CFAP69: variants seen among roughly 807,000 people sequenced by gnomAD.
The protein encoded by CFAP69 is cilia- and flagella-associated protein 69.
In CFAP69, 92 loss-of-function variants were observed where a neutral mutation model predicts 123.0. The ratio of observed to expected loss-of-function variants is 0.75; its 90% CI spans 0.63 to 0.89. CFAP69 has a LOEUF of 0.89. Among genes scored for constraint, CFAP69 ranks in the 40% least tolerant of loss-of-function variants. CFAP69 has a pLI of 0.00. For synonymous variants in CFAP69, 380 were observed against 364.3 expected, an observed-to-expected ratio of 1.04 and a Z score of -0.49; for missense variants, 1,067 against 1,096.9, an observed-to-expected ratio of 0.97 and a Z score of 0.39.
intron 15 of CFAP69, among the ~76,000 whole-genome samples, chr7:90,289,856 T>A (rs1790864645): frequency 6.6e-6 from 1 of 152,188 alleles, no homozygotes; most frequent in African/African-American, 2.4e-5. Flanking sequence ...TTCAATGCTG[T>A]TTTTGGATAA....
At chr7:90,270,016 A>T (rs1252537599) in intron 6 of CFAP69, 1 of 152,136 alleles carries the variant, frequency 6.6e-6, no homozygotes, top group Non-Finnish European at 1.5e-5. Context: ...GGACTTAAGA[A>T]AAAGGAGTAT....
At chr7:90,301,743 G>T (rs1169118372) in intron 17 of CFAP69, 6 of 152,178 alleles carry the variant, frequency 3.9e-5, no homozygotes, top group Admixed American at 2.6e-4. Context: ...GGGCATTTAG[G>T]TTGATTCCAT....
chr7:90,275,589 C>CTT (rs1562875616), intron 9 of CFAP69, among the ~76,000 whole-genome samples: 4 of 91,492 alleles, frequency 4.4e-5, no homozygotes, highest in South Asian at 3.7e-4. Context: ...AGGCCAAAAG[C>CTT]CTTTTTTTTT....
At chr7:90,256,763 C>A (rs994560335) in intron 2 of CFAP69, among the ~76,000 whole-genome samples, 2 of 152,096 alleles carry the variant, frequency 1.3e-5, no homozygotes, top group African/African-American at 4.8e-5. Context: ...CCTTAAAAAA[C>A]CACAACTGCA....
At chr7:90,250,187 G>GGAGAGCGAGAGAGAGAGA (rs1796801394) in intron 1 of CFAP69, among the ~76,000 whole-genome samples, 1 of 125,728 alleles carries the variant, frequency 8.0e-6, no homozygotes, top group Non-Finnish European at 1.7e-5. Flanking sequence ...TTTAAAGAGA[G>GGAGAGCGAGAGAGAGAGA]GAGAGAGAGA....
intron 19 of CFAP69, among the ~76,000 whole-genome samples, chr7:90,305,209 C>T (rs1045066500): frequency 6.0e-5 from 9 of 151,082 alleles, no homozygotes; most frequent in African/African-American, 1.5e-4. Flanking sequence ...GATGTGGTGG[C>T]GGGCGCCTAT....
downstream of CFAP69, among the ~76,000 whole-genome samples, chr7:90,315,108 A>G (rs1794671842): frequency 6.6e-6 from 1 of 152,018 alleles, no homozygotes; most frequent in Admixed American, 6.6e-5. Flanking sequence ...AAAACAACAG[A>G]TGCTGGCGAG....
At chr7:90,303,652 C>A (rs1042634460) in intron 17 of CFAP69, 2 of 983,514 alleles carry the variant, frequency 2.0e-6, no homozygotes, top group Non-Finnish European at 2.4e-6. Flanking sequence ...CACTGTTAAA[C>A]TGACATTACT....
At chr7:90,313,489 TC>T (rs368380898), downstream of CFAP69, among the ~76,000 whole-genome samples, 358 of 152,302 alleles carry the variant, frequency 2.4e-3, 2 homozygotes, top group African/African-American at 8.2e-3. Context: ...AACTTTGGTT[TC>T]CAGTATCATT....
intron 1 of CFAP69, among the ~76,000 whole-genome samples, chr7:90,247,119 T>C (rs1796427128): frequency 6.6e-6 from 1 of 152,166 alleles, no homozygotes; most frequent in Admixed American, 6.5e-5. Context: ...AATAGGAACT[T>C]TTTATAGCTG....
Position 90,245,177 on chromosome 7 carries a change from A to G in CFAP69, c.-248A>G. The G allele has an allele frequency of 2.6e-6, 1 of 387,370 alleles. No individual in the cohort carries two copies. Among genetic ancestry groups the G allele is most frequent in the Non-Finnish European group, 4.5e-6 (1 of 224,546 alleles). The allele number at this position is 387,370 out of a possible 1,614,324, so 24.0% of individuals were successfully genotyped here. ...GTAGCCTCTGGCCCCGCCCCCTAGC[A>G]ACGCGCTGGCTTGTGTTAACAACCG... On this transcript the variant is annotated 5_prime_UTR_variant, in exon 1 of 23. Transcript: ENST00000389297.
At chr7:90,319,619 T>A in the CFAP69 span, 5 of 398,520 alleles carry the variant, frequency 1.3e-5, no homozygotes, top group African/African-American at 1.0e-4. Flanking sequence ...TGGAGATCAA[T>A]GTCTTTGGTG....
intron 18 of CFAP69, chr7:90,304,440 G>A: frequency 8.3e-7 from 1 of 1,203,094 alleles, no homozygotes; most frequent in African/African-American, 1.6e-5. Flanking sequence ...GTCTATTAAG[G>A]AAAAAGTTTA....
chr7:90,300,097 G>T (rs971960506), intron 17 of CFAP69, 38 bp downstream of exon 17: 1 of 1,396,894 alleles, frequency 7.2e-7, no homozygotes, highest in Non-Finnish European at 9.4e-7. Flanking sequence ...AGCAATTAAT[G>T]TATATATTTT....
At chr7:90,303,440 T>G (rs1343206094) in intron 17 of CFAP69, 1 of 434,658 alleles carries the variant, frequency 2.3e-6, no homozygotes, top group African/African-American at 2.2e-5. Context: ...ATGCTGGCTG[T>G]GGGTTTGTCA....
At position 90,310,245 on chromosome 7, in the gene CFAP69, A is replaced by G. The variant is rs771460930; in HGVS notation, c.*7A>G. 3 of 1,581,896 alleles carry G rather than the reference A, an allele frequency of 1.9e-6. No homozygotes were observed. Among genetic ancestry groups the G allele is most frequent in the South Asian group, 2.4e-5 (2 of 84,482 alleles). On this transcript the variant is annotated 3_prime_UTR_variant, in exon 23 of 23. Transcript: ENST00000389297. The stretch of plus-strand genomic sequence containing the variant: ...AAAGAGTATTCCTACGTAATATACT[A>G]TAGAGACTTTTTGAAATAAAGTCAG...
chr7:90,265,795 A>G (rs1043694614), intron 5 of CFAP69, among the ~76,000 whole-genome samples: 1 of 152,206 alleles, frequency 6.6e-6, no homozygotes. Context: ...TCAAATCATA[A>G]AATAGCATAT....
chr7:90,295,535 A>G (rs776113978), intron 15 of CFAP69, among the ~76,000 whole-genome samples: 2 of 152,122 alleles, frequency 1.3e-5, no homozygotes, highest in Non-Finnish European at 2.9e-5. Context: ...ACCAGACCCC[A>G]ACACTTACCC....
At chr7:90,289,970 T>C (rs1045611924) in intron 15 of CFAP69, among the ~76,000 whole-genome samples, 1 of 152,228 alleles carries the variant, frequency 6.6e-6, no homozygotes, top group Non-Finnish European at 1.5e-5. Flanking sequence ...TACTGGTCTT[T>C]TGTCTATCCT....
Sources: allele counts gnomAD v4.1 joint callset (sites outside exome capture counted in the v4.1 genomes callset), GRCh38; gene constraint gnomAD v4.1.1; transcripts MANE v1.5; gene names NCBI Gene and HGNC (gene_info 2026-07-23, HGNC 2026-07-21).